The following RAD51B variants were observed in gnomAD, a reference collection of about 807,000 sequenced individuals.
RAD51B encodes the protein RAD51 paralog B.
Under a neutral mutation model 42.2 loss-of-function variants are expected in RAD51B, and 38 were observed. That is an observed-to-expected ratio of 0.90 (90% CI 0.70 to 1.18). The LOEUF (loss-of-function observed/expected upper bound fraction) is 1.18, where lower values mean the gene tolerates loss of function less well. Among genes scored for constraint, RAD51B ranks in the 50% most tolerant of loss-of-function variants. RAD51B has a pLI of 0.00. For missense variants in RAD51B, 373 were observed against 400.7 expected (o/e 0.93, Z 0.59); for synonymous variants, 154 against 145.2 (o/e 1.06, Z -0.43).
chr14:67,845,153 C>G (rs1032643172), intron 4 of RAD51B, among the ~76,000 whole-genome samples: 2 of 152,136 alleles, frequency 1.3e-5, no homozygotes, highest in Admixed American at 1.3e-4. Context: ...ATGTTGTTAG[C>G]CGGTTATTAT....
chr14:67,835,443 A>T (rs2041204756), intron 4 of RAD51B, among the ~76,000 whole-genome samples: 1 of 152,064 alleles, frequency 6.6e-6, no homozygotes, highest in Non-Finnish European at 1.5e-5. Context: ...TTAACTTAGA[A>T]AGTGATAAAT....
chr14:68,604,847 G>A (rs527322382), intron 10 of RAD51B, among the ~76,000 whole-genome samples: 2 of 152,314 alleles, frequency 1.3e-5, no homozygotes, highest in East Asian at 3.9e-4. Context: ...ATGAATGAGT[G>A]AGTGAACTAG....
At chr14:68,621,571 C>T (rs1287262582) in intron 10 of RAD51B, among the ~76,000 whole-genome samples, 2 of 152,224 alleles carry the variant, frequency 1.3e-5, no homozygotes, top group Admixed American at 6.5e-5. Flanking sequence ...TTCAGCTACC[C>T]GCTGTTTCCC....
At chr14:68,124,415 A>C (rs756485331) in intron 7 of RAD51B, among the ~76,000 whole-genome samples, 11 of 152,348 alleles carry the variant, frequency 7.2e-5, no homozygotes, top group Non-Finnish European at 1.2e-4. Flanking sequence ...AGCCGTACAC[A>C]CGAAAAAGTC....
At chr14:68,560,613 G>A (rs1318810346) in intron 10 of RAD51B, among the ~76,000 whole-genome samples, 2 of 152,170 alleles carry the variant, frequency 1.3e-5, no homozygotes, top group African/African-American at 4.8e-5. Flanking sequence ...GTGAGCGCCT[G>A]TAATCCCAGC....
rs376464669 is a variant in RAD51B, at chr14:68,499,981, G to T, written c.1036+31731G>T. ...GTTGCCCAGAGAGATGAAATGACTG[G>T]AGAGAGAGAGAATCTGGTCGTCTAG... On this transcript the variant is annotated intron_variant, in intron 10 of 10. Coordinates refer to the RAD51B transcript ENST00000487270. Among the ~76,000 whole-genome samples, 9 of 152,156 alleles carry T rather than the reference G, an allele frequency of 5.9e-5. No homozygotes were observed. The East Asian group carries it at 1.7e-3, about 29-fold the overall frequency.
chr14:68,286,160 CT>C (rs2081411618), intron 7 of RAD51B, among the ~76,000 whole-genome samples: 1 of 152,206 alleles, frequency 6.6e-6, no homozygotes, highest in Non-Finnish European at 1.5e-5. Flanking sequence ...GAGAGTTTCT[CT>C]CTCTTCTCCT....
intron 10 of RAD51B, among the ~76,000 whole-genome samples, chr14:68,566,097 C>T (rs945218855): frequency 6.6e-6 from 1 of 152,214 alleles, no homozygotes; most frequent in Non-Finnish European, 1.5e-5. Flanking sequence ...CTGATTTCTC[C>T]AGGTTAAGCA....
At chr14:68,210,529 G>A (rs779255235) in intron 7 of RAD51B, among the ~76,000 whole-genome samples, 2 of 151,990 alleles carry the variant, frequency 1.3e-5, no homozygotes, top group Non-Finnish European at 2.9e-5. Context: ...ACTTAAGGGT[G>A]ATGGAATGAC....
intron 10 of RAD51B, among the ~76,000 whole-genome samples, chr14:68,506,863 G>A (rs1885366572): frequency 3.9e-5 from 6 of 152,178 alleles, no homozygotes. Flanking sequence ...TGTGCAGAGG[G>A]GGAAGCTGAA....
intron 10 of RAD51B, among the ~76,000 whole-genome samples, chr14:68,643,235 C>T (rs1032178926): frequency 6.6e-6 from 1 of 152,170 alleles, no homozygotes; most frequent in Admixed American, 6.5e-5. Flanking sequence ...TATTGGAGGG[C>T]TGAACCCTAA....
At chr14:68,665,873 C>T (rs1179499781) in intron 11 of RAD51B, among the ~76,000 whole-genome samples, 1 of 152,204 alleles carries the variant, frequency 6.6e-6, no homozygotes, top group African/African-American at 2.4e-5. Flanking sequence ...AACTTTACCC[C>T]CAACTCAGGG....
rs564386409 is a variant in RAD51B, at chr14:67,983,972, C to G, written c.756+96768C>G. Among the ~76,000 whole-genome samples the G allele has an allele frequency of 4.6e-5, 7 of 151,324 alleles. No homozygotes were observed. The South Asian group carries it at 1.5e-3, about 32-fold the overall frequency. On this transcript the variant is annotated intron_variant, in intron 7 of 10. Transcript: ENST00000471583. Reference sequence around the variant, plus strand: ...TCTTTTTTTTCTTGACAGTGTCTCCCTCTGTTGCCAGGCTGGATTGCAGTG... The same window carrying G: ...TCTTTTTTTTCTTGACAGTGTCTCCGTCTGTTGCCAGGCTGGATTGCAGTG...
chr14:67,993,609 G>C (rs1243266660), intron 7 of RAD51B, among the ~76,000 whole-genome samples: 1 of 152,030 alleles, frequency 6.6e-6, no homozygotes, highest in Non-Finnish European at 1.5e-5. Context: ...GGACACTTAG[G>C]GTGCTTCCAA....
chr14:67,824,458 A>G (rs11626590), intron 2 of RAD51B, among the ~76,000 whole-genome samples: 34,846 of 151,782 alleles, frequency 0.23, 5,174 homozygotes, highest in Middle Eastern at 0.34. Flanking sequence ...GGGTTTCACC[A>G]TGTTGGCCAG....
At chr14:68,361,770 G>T (rs1013904758) in intron 8 of RAD51B, among the ~76,000 whole-genome samples, 1 of 152,106 alleles carries the variant, frequency 6.6e-6, no homozygotes, top group East Asian at 1.9e-4. Flanking sequence ...CCATGTCCCA[G>T]GTTCGAGAGA....
At chr14:68,586,187 G>A (rs892333308) in intron 10 of RAD51B, among the ~76,000 whole-genome samples, 3 of 152,084 alleles carry the variant, frequency 2.0e-5, no homozygotes, top group Non-Finnish European at 4.4e-5. Flanking sequence ...CCTGTTCCGA[G>A]GACAGTAGAT....
intron 7 of RAD51B, among the ~76,000 whole-genome samples, chr14:68,126,632 A>T (rs1381164477): frequency 1.3e-5 from 2 of 152,180 alleles, no homozygotes; most frequent in Non-Finnish European, 2.9e-5. Flanking sequence ...TTAGTACTCA[A>T]ACTGCAGCAT....
intron 10 of RAD51B, among the ~76,000 whole-genome samples, chr14:68,577,866 G>A (rs1391863379): frequency 6.6e-6 from 1 of 152,212 alleles, no homozygotes; most frequent in African/African-American, 2.4e-5. Flanking sequence ...TTAAGTGAAT[G>A]AATGGAGTCA....
Sources: gnomAD v4.1 joint callset for allele counts (sites outside exome capture counted in the v4.1 genomes callset) on GRCh38, gnomAD v4.1.1 for gene constraint, MANE v1.5 for transcripts, NCBI Gene and HGNC (gene_info 2026-07-23, HGNC 2026-07-21) for gene names.